TRAPPC9: variants seen among roughly 807,000 people sequenced by gnomAD.
TRAPPC9 encodes IKK2 binding protein.
In TRAPPC9, 83 loss-of-function variants were observed where a neutral mutation model predicts 124.0. The observed-to-expected ratio is 0.67, with a 90% CI of 0.56 to 0.80. The LOEUF is 0.80. Ranked by LOEUF, TRAPPC9 falls within the 30% of genes least tolerant of loss-of-function variation. The pLI is 0.00. For missense variants in TRAPPC9, 1,302 were observed against 1,508.3 expected (o/e 0.86, Z 2.27); for synonymous variants, 638 against 617.5 (o/e 1.03, Z -0.49).
intron 7 of TRAPPC9, among the ~76,000 whole-genome samples, chr8:140,395,716 T>G (rs1431680187): frequency 6.6e-6 from 1 of 152,208 alleles, no homozygotes; most frequent in Non-Finnish European, 1.5e-5. Flanking sequence ...TACTTCTTTG[T>G]GTGTTCAAAA....
intron 18 of TRAPPC9, among the ~76,000 whole-genome samples, chr8:140,015,021 A>G (rs1839372686): frequency 6.6e-6 from 1 of 152,210 alleles, no homozygotes; most frequent in Non-Finnish European, 1.5e-5. Context: ...CAAACAGACT[A>G]CCCCAGGAGT....
At chr8:139,914,454 G>A (rs1044752170) in intron 19 of TRAPPC9, among the ~76,000 whole-genome samples, 2 of 152,258 alleles carry the variant, frequency 1.3e-5, no homozygotes, top group African/African-American at 2.4e-5. Context: ...CCTGTCCATC[G>A]TGGTAGGCAC....
At chr8:140,081,456 G>A (rs904751008) in intron 17 of TRAPPC9, among the ~76,000 whole-genome samples, 8 of 148,290 alleles carry the variant, frequency 5.4e-5, no homozygotes, top group Non-Finnish European at 1.0e-4. Context: ...AGCAATTCTC[G>A]TACCTCAGCC....
At chr8:140,163,133 T>C (rs1391744068) in intron 17 of TRAPPC9, among the ~76,000 whole-genome samples, 1 of 152,248 alleles carries the variant, frequency 6.6e-6, no homozygotes, top group African/African-American at 2.4e-5. Context: ...GTGGCAGCTA[T>C]GCACGCAGAG....
At chr8:139,856,635 G>A (rs1424116893) in intron 21 of TRAPPC9, among the ~76,000 whole-genome samples, 1 of 151,856 alleles carries the variant, frequency 6.6e-6, no homozygotes, top group Non-Finnish European at 1.5e-5. Flanking sequence ...GTTCTCAAGA[G>A]CAACGGCATT....
At chr8:140,038,836 C>G (rs963905376) in intron 17 of TRAPPC9, among the ~76,000 whole-genome samples, 8 of 152,216 alleles carry the variant, frequency 5.3e-5, no homozygotes, top group African/African-American at 1.7e-4. Context: ...AGAGGCCCTC[C>G]TCGGAGCCTC....
intron 7 of TRAPPC9, among the ~76,000 whole-genome samples, chr8:140,392,750 G>A (rs2068963171): frequency 6.6e-6 from 1 of 152,174 alleles, no homozygotes; most frequent in Admixed American, 6.5e-5. Flanking sequence ...TTAGCCTGAG[G>A]TTCCTCCTCT....
chr8:139,765,821 T>A (rs1217326584), intron 21 of TRAPPC9, among the ~76,000 whole-genome samples: 1 of 152,128 alleles, frequency 6.6e-6, no homozygotes, highest in African/African-American at 2.4e-5. Context: ...GAGAGCTCTT[T>A]CCCACAACTG....
At chr8:140,391,891 G>A (rs1008688563) in intron 7 of TRAPPC9, among the ~76,000 whole-genome samples, 2 of 151,766 alleles carry the variant, frequency 1.3e-5, no homozygotes, top group African/African-American at 4.8e-5. Flanking sequence ...GCCGGGTGTG[G>A]TGCGGGCACC....
intron 19 of TRAPPC9, among the ~76,000 whole-genome samples, chr8:139,912,860 C>T (rs1464188722): frequency 1.3e-5 from 2 of 152,220 alleles, no homozygotes; most frequent in African/African-American, 4.8e-5. Flanking sequence ...CTCTTACTTC[C>T]CCGCCTCAAA....
chr8:140,157,621 G>A (rs1477529319), intron 17 of TRAPPC9, among the ~76,000 whole-genome samples: 1 of 152,096 alleles, frequency 6.6e-6, no homozygotes, highest in Non-Finnish European at 1.5e-5. Flanking sequence ...TTTTCAATGA[G>A]TGAAACTCTC....
At chr8:140,269,995 G>A (rs923801447) in intron 15 of TRAPPC9, among the ~76,000 whole-genome samples, 1 of 152,096 alleles carries the variant, frequency 6.6e-6, no homozygotes, top group Non-Finnish European at 1.5e-5. Flanking sequence ...AGTTACTCAG[G>A]AGGCTGAGGC....
At chr8:140,033,394 A>G (rs1840622424) in intron 17 of TRAPPC9, among the ~76,000 whole-genome samples, 1 of 152,312 alleles carries the variant, frequency 6.6e-6, no homozygotes, top group African/African-American at 2.4e-5. Context: ...GGCATTGACC[A>G]TACATTATTT....
intron 21 of TRAPPC9, among the ~76,000 whole-genome samples, chr8:139,854,390 C>T (rs1354334350): frequency 1.3e-5 from 2 of 152,230 alleles, no homozygotes; most frequent in African/African-American, 4.8e-5. Flanking sequence ...TGGGGCAGGC[C>T]TCACTCTGCC....
chr8:139,876,337 C>A (rs1314484486), intron 21 of TRAPPC9, among the ~76,000 whole-genome samples: 1 of 152,192 alleles, frequency 6.6e-6, no homozygotes, highest in East Asian at 1.9e-4. Flanking sequence ...ACCCAGACAC[C>A]ATGGGATCCA....
rs753597358 is a variant in TRAPPC9 at position 140,450,909 on chromosome 8, C to T, written c.465G>A (p.Leu155=). The change falls in exon 2 of 23, where the codon CTG becomes CTA. Residue 155 remains leucine, a synonymous_variant. Transcript: ENST00000438773. ...GACGCTTGGACTCCAGCACGATGAA[C>T]AGTGACTCGATGAAGTCCTCGATTC... ...EKRIEDFIES[L]FIVLESKRLD... is the part of the protein sequence containing the mutation. 2.5e-5 allele frequency: 40 copies of T among 1,614,050 alleles called. No individual in the cohort carries two copies. The highest frequency in any genetic ancestry group is 6.7e-5 in the African/African-American group (5 of 74,936).
rs1827234408 is a variant in TRAPPC9 at position 139,848,366 on chromosome 8, A to G, written c.3055+37513T>C. ...GACGAAATACACACATGCATGAGAG[A>G]CATGCACACATGCACACAGATATCC... On this transcript the variant is annotated intron_variant, in intron 21 of 22. Coordinates refer to ENST00000438773, the MANE Select transcript of TRAPPC9 (RefSeq NM_001160372.4). Among the ~76,000 whole-genome samples the G allele has an allele frequency of 1.6e-4, 24 of 152,238 alleles. 1 individual carries two copies. The highest frequency in any genetic ancestry group is 1.6e-3 in the Admixed American group (24 of 15,286).
chr8:140,376,020 A>G (rs1487947581), intron 7 of TRAPPC9, among the ~76,000 whole-genome samples: 1 of 152,220 alleles, frequency 6.6e-6, no homozygotes, highest in East Asian at 1.9e-4. Flanking sequence ...AACTTTCCAT[A>G]TATGTCTATC....
chr8:139,800,226 T>C (rs1418300589), intron 21 of TRAPPC9, among the ~76,000 whole-genome samples: 1 of 152,220 alleles, frequency 6.6e-6, no homozygotes, highest in Non-Finnish European at 1.5e-5. Flanking sequence ...CCATGCTGAC[T>C]ACACATGTGG....
Sources: allele counts gnomAD v4.1 joint callset (sites outside exome capture counted in the v4.1 genomes callset), GRCh38; gene constraint gnomAD v4.1.1; transcripts MANE v1.5; gene names NCBI Gene and HGNC (gene_info 2026-07-23, HGNC 2026-07-21).